Variants in LOC128092253 observed in about 807,000 individuals in gnomAD.
the LOC128092253 span, among the ~76,000 whole-genome samples, chr6:133,966,244 A>G: frequency 2.0e-5 from 3 of 152,178 alleles, no homozygotes; most frequent in Non-Finnish European, 4.4e-5. Context: ...GTACAGAAAT[A>G]AAGAAGATTT....
At chr6:133,963,345 C>G in the LOC128092253 span, among the ~76,000 whole-genome samples, 2 of 152,130 alleles carry the variant, frequency 1.3e-5, no homozygotes, top group Admixed American at 1.3e-4. Flanking sequence ...AATTAGGGCC[C>G]TATCAAGGTC....
the LOC128092253 span, among the ~76,000 whole-genome samples, chr6:133,977,595 C>T: frequency 6.6e-6 from 1 of 152,126 alleles, no homozygotes; most frequent in Non-Finnish European, 1.5e-5. Flanking sequence ...ATAGTTGATT[C>T]GCATGAAGTT....
At chr6:133,959,551 G>A in the LOC128092253 span, among the ~76,000 whole-genome samples, 1 of 151,684 alleles carries the variant, frequency 6.6e-6, no homozygotes, top group Admixed American at 6.6e-5. Flanking sequence ...GCGCGATCTC[G>A]GCTCACTGCA....
At chr6:133,975,389 A>T in the LOC128092253 span, among the ~76,000 whole-genome samples, 1 of 152,150 alleles carries the variant, frequency 6.6e-6, no homozygotes, top group African/African-American at 2.4e-5. Context: ...TCTTAAAGAA[A>T]TTGAATTTAA....
the LOC128092253 span, among the ~76,000 whole-genome samples, chr6:133,963,242 G>T: frequency 3.3e-5 from 5 of 152,090 alleles, no homozygotes; most frequent in Non-Finnish European, 7.3e-5. Context: ...TATGGAGAGG[G>T]AAATTCCATT....
the LOC128092253 span, among the ~76,000 whole-genome samples, chr6:133,966,174 A>G: frequency 6.6e-6 from 1 of 152,174 alleles, no homozygotes; most frequent in African/African-American, 2.4e-5. Context: ...GCTTACAGTT[A>G]AACTCTGCAG....
At chr6:133,977,674 C>A in the LOC128092253 span, among the ~76,000 whole-genome samples, 2 of 152,178 alleles carry the variant, frequency 1.3e-5, no homozygotes, top group Non-Finnish European at 2.9e-5. Context: ...TTAGGTTTGG[C>A]TGTATATCAC....
the LOC128092253 span, among the ~76,000 whole-genome samples, chr6:133,959,863 G>A: frequency 6.6e-6 from 1 of 152,198 alleles, no homozygotes; most frequent in African/African-American, 2.4e-5. Flanking sequence ...AAGTCAATGT[G>A]TAACCCAAAA....
the LOC128092253 span, among the ~76,000 whole-genome samples, chr6:133,979,472 C>T: frequency 2.6e-5 from 4 of 152,056 alleles, no homozygotes; most frequent in African/African-American, 9.7e-5. Flanking sequence ...CTGTGGTACA[C>T]CTGGAACGTA....
At chr6:133,954,217 T>G in the LOC128092253 span, among the ~76,000 whole-genome samples, 25 of 152,268 alleles carry the variant, frequency 1.6e-4, no homozygotes, top group Non-Finnish European at 3.2e-4. Context: ...TGACTGCATC[T>G]GTCACCTGCA....
the LOC128092253 span, among the ~76,000 whole-genome samples, chr6:133,964,250 T>G: frequency 6.6e-6 from 1 of 152,152 alleles, no homozygotes. Flanking sequence ...GTGTTTATCC[T>G]TTTTGAGTGA....
chr6:133,954,449 G>A, the LOC128092253 span, among the ~76,000 whole-genome samples: 1 of 152,250 alleles, frequency 6.6e-6, no homozygotes, highest in African/African-American at 2.4e-5. Context: ...CTATTGAGAA[G>A]TGACTGTTAG....
chr6:133,978,326 A>G, the LOC128092253 span, among the ~76,000 whole-genome samples: 1 of 152,348 alleles, frequency 6.6e-6, no homozygotes, highest in East Asian at 1.9e-4. Context: ...TTCATACATT[A>G]TATAATTTTC....
the LOC128092253 span, among the ~76,000 whole-genome samples, chr6:133,957,188 G>A: frequency 7.9e-5 from 12 of 152,204 alleles, no homozygotes; most frequent in Non-Finnish European, 1.5e-4. Flanking sequence ...ACTCAATAGG[G>A]TGATTTCTGG....
the LOC128092253 span, among the ~76,000 whole-genome samples, chr6:133,974,274 T>A: frequency 1.3e-5 from 2 of 152,230 alleles, no homozygotes; most frequent in African/African-American, 2.4e-5. Context: ...TCATTGGATG[T>A]GCAGGTTGTT....
chr6:133,976,748 G>A, the LOC128092253 span, among the ~76,000 whole-genome samples: 1 of 152,088 alleles, frequency 6.6e-6, no homozygotes, highest in Non-Finnish European at 1.5e-5. Context: ...CCAGCACTTT[G>A]GGAGGCCGAG....
the LOC128092253 span, among the ~76,000 whole-genome samples, chr6:133,978,789 C>T: frequency 3.3e-5 from 5 of 152,096 alleles, no homozygotes; most frequent in Non-Finnish European, 5.9e-5. Flanking sequence ...AGAAACAAGA[C>T]CTTCTTTATT....
the LOC128092253 span, among the ~76,000 whole-genome samples, chr6:133,954,961 A>G: frequency 4.2e-4 from 64 of 152,318 alleles, 1 homozygote; most frequent in East Asian, 0.011. Flanking sequence ...AGTGTCTGTT[A>G]AAGGAATTTC....
At chr6:133,966,625 C>T in the LOC128092253 span, among the ~76,000 whole-genome samples, 247 of 152,298 alleles carry the variant, frequency 1.6e-3, 1 homozygote, top group Middle Eastern at 6.8e-3. Flanking sequence ...TTGTTAACCC[C>T]TCCTACCTTT....
Sources: allele counts gnomAD v4.1 joint callset (sites outside exome capture counted in the v4.1 genomes callset), GRCh38; gene constraint gnomAD v4.1.1; transcripts MANE v1.5.